Variants in ABCC4 observed in about 807,000 individuals in gnomAD.
ABCC4 encodes the protein ATP-binding cassette sub-family C member 4.
ABCC4 carries 102 observed loss-of-function variants against 168.5 expected under a neutral mutation model. The observed-to-expected ratio is 0.61, with a 90% CI of 0.52 to 0.71. ABCC4 has a LOEUF of 0.71. ABCC4 is among the 30% of genes least tolerant of loss of function. The pLI, the probability that ABCC4 is intolerant of heterozygous loss-of-function variation, is 0.00. For synonymous variants in ABCC4, 617 were observed against 590.7 expected (o/e 1.04, Z -0.65); for missense variants, 1,402 against 1,605.8 (o/e 0.87, Z 2.17).
intron 20 of ABCC4, among the ~76,000 whole-genome samples, chr13:95,102,731 C>T (rs997195694): frequency 6.6e-6 from 1 of 151,694 alleles, no homozygotes; most frequent in African/African-American, 2.4e-5. Context: ...GCAATTCTCC[C>T]TGCCTCAGCC....
intron 26 of ABCC4, 108 bp downstream of exon 26, chr13:95,062,596 A>C (rs937669703): frequency 1.8e-6 from 2 of 1,106,294 alleles, no homozygotes; most frequent in Non-Finnish European, 2.6e-6. Context: ...TATTGGGTGA[A>C]AAAAAAAACA....
At chr13:95,171,861 G>T (rs1292032630) in intron 13 of ABCC4, among the ~76,000 whole-genome samples, 3 of 152,098 alleles carry the variant, frequency 2.0e-5, no homozygotes. Flanking sequence ...TCAAAACTAA[G>T]TTGTTCAATC....
intron 20 of ABCC4, among the ~76,000 whole-genome samples, chr13:95,112,372 A>G (rs1222210894): frequency 2.0e-5 from 3 of 151,938 alleles, no homozygotes; most frequent in African/African-American, 7.3e-5. Flanking sequence ...AAAGAAAGTC[A>G]CATGGATAAA....
At chr13:95,117,142 C>A (rs1471457000) in intron 19 of ABCC4, among the ~76,000 whole-genome samples, 1 of 152,024 alleles carries the variant, frequency 6.6e-6, no homozygotes, top group African/African-American at 2.4e-5. Context: ...CACACAGACT[C>A]CAGAAAGCAT....
intron 22 of ABCC4, chr13:95,075,176 G>A: frequency 2.2e-6 from 1 of 451,972 alleles, no homozygotes; most frequent in Non-Finnish European, 4.0e-6. Flanking sequence ...TGCTGACAGA[G>A]CCACAGGCCA....
At chr13:95,025,054 T>A (rs1006913945) in intron 30 of ABCC4, among the ~76,000 whole-genome samples, 2 of 151,884 alleles carry the variant, frequency 1.3e-5, no homozygotes, top group Non-Finnish European at 2.9e-5. Flanking sequence ...ATTAGAAACA[T>A]CTTTGACTGA....
At chr13:95,082,245 T>C (rs753140446) in intron 21 of ABCC4, among the ~76,000 whole-genome samples, 1 of 152,166 alleles carries the variant, frequency 6.6e-6, no homozygotes, top group East Asian at 1.9e-4. Context: ...TATTAAAAAG[T>C]AAAGCAATTC....
Position 95,186,804 on chromosome 13 carries a change from T to A in ABCC4, c.1442A>T (p.Gln481Leu). The A allele has an allele frequency of 2.5e-6, 4 of 1,614,178 alleles. No individual in the cohort carries two copies. Among genetic ancestry groups the A allele is most frequent in the Middle Eastern group, 1.6e-4 (1 of 6,062 alleles). ...VHGRIAYVSQ[Q>L]PWVFSGTLRS... ...CAGAGTTCCCGAGAACACCCAGGGCTGCTGAGACACATAGGCAATTCTTCC... is the reference window on the plus strand; with the variant it reads ...CAGAGTTCCCGAGAACACCCAGGGCAGCTGAGACACATAGGCAATTCTTCC... The change falls in exon 11 of 31, where the codon CAG (glutamine) becomes CTG (leucine). Residue 481 changes from glutamine (Q) to leucine (L), a missense_variant. By Grantham distance (113) the Gln-to-Leu change is moderately radical. Around this residue, in one of 3 missense-constraint regions of ABCC4, gnomAD observed 1,007 missense variants for 1,127.3 expected, o/e 0.89. Transcript: ENST00000645237.
At chr13:95,294,878 C>G (rs1430761056) in intron 1 of ABCC4, among the ~76,000 whole-genome samples, 1 of 152,092 alleles carries the variant, frequency 6.6e-6, no homozygotes, top group African/African-American at 2.4e-5. Flanking sequence ...CGCTTGAACT[C>G]CGGAGGCAGA....
intron 30 of ABCC4, among the ~76,000 whole-genome samples, chr13:95,026,732 A>G (rs9524768): frequency 0.13 from 20,179 of 151,370 alleles, 1,411 homozygotes; most frequent in Admixed American, 0.18. Context: ...CTATGGGGGG[A>G]AAAAAAATTA....
intron 4 of ABCC4, among the ~76,000 whole-genome samples, chr13:95,223,164 T>C (rs7330519): frequency 0.31 from 46,400 of 151,834 alleles, 7,269 homozygotes; most frequent in East Asian, 0.44. Context: ...GGCCTATGAG[T>C]TCAGCCAGTT....
At chr13:95,030,147 A>T (rs1293672724) in intron 30 of ABCC4, among the ~76,000 whole-genome samples, 1 of 152,056 alleles carries the variant, frequency 6.6e-6, no homozygotes, top group Non-Finnish European at 1.5e-5. Context: ...CAGCCTCCCG[A>T]GTAGCTGAGA....
chr13:95,146,617 G>A lies in ABCC4; in HGVS notation c.2455+14572C>T, dbSNP rs140328431. On this transcript the variant is annotated intron_variant, in intron 19 of 30. Transcript: ENST00000645237. ...TCCCTGCGGTTGCCACATAAAAACC[G>A]ATAGGGACAATAACAAGAGTATTGG... Among the ~76,000 whole-genome samples, 1,180 of 152,254 alleles carry A rather than the reference G, an allele frequency of 7.8e-3. 7 individuals are homozygous for A. Among genetic ancestry groups the A allele is most frequent in the Non-Finnish European group, 0.013 (876 of 68,014 alleles).
At chr13:95,098,623 A>T (rs997244141) in intron 20 of ABCC4, among the ~76,000 whole-genome samples, 2 of 152,198 alleles carry the variant, frequency 1.3e-5, no homozygotes, top group African/African-American at 4.8e-5. Context: ...GCAAAACAGG[A>T]AATATTCACA....
At position 95,032,522 on chromosome 13, in the gene ABCC4, A is replaced by G. The variant is rs148124451; in HGVS notation, c.3870+2083T>C. ...GAGGATAAATGCAGGATTCAAAGAAATATCCTACAGACAGTGGCAAGGATA... is the reference window on the plus strand; with the variant it reads ...GAGGATAAATGCAGGATTCAAAGAAGTATCCTACAGACAGTGGCAAGGATA... On this transcript the variant is annotated intron_variant, in intron 30 of 30. Transcript: ENST00000645237. Among the ~76,000 whole-genome samples the G allele has an allele frequency of 3.0e-3, 462 of 152,382 alleles. 1 individual carries two copies. The highest frequency in any genetic ancestry group is 0.014 in the Middle Eastern group (4 of 294).
chr13:95,229,948 A>C (rs1188545498), intron 4 of ABCC4, among the ~76,000 whole-genome samples: 1 of 152,240 alleles, frequency 6.6e-6, no homozygotes, highest in Non-Finnish European at 1.5e-5. Flanking sequence ...TGAGACTTGA[A>C]GATGGACACA....
chr13:95,218,919 GAAAGAAAGAGAAAGAAAGAA>G (rs2039208299), intron 4 of ABCC4, among the ~76,000 whole-genome samples: 2 of 22,018 alleles, frequency 9.1e-5, no homozygotes, highest in African/African-American at 3.8e-4. Context: ...GAGAGAGAGA[GAAAGAAAGAGAAAGAAAGAA>G]AGAAAGAAAG....
At chr13:95,038,374 CAAAAAAAAA>C (rs74617293) in intron 29 of ABCC4, among the ~76,000 whole-genome samples, 1 of 97,646 alleles carries the variant, frequency 1.0e-5, no homozygotes, top group Non-Finnish European at 1.9e-5. Context: ...AGCCCATACT[CAAAAAAAAA>C]AAAAAAAAAA....
At chr13:95,253,807 A>T (rs1264843048) in intron 1 of ABCC4, among the ~76,000 whole-genome samples, 5 of 152,124 alleles carry the variant, frequency 3.3e-5, no homozygotes, top group Non-Finnish European at 5.9e-5. Flanking sequence ...CTTCAGAGAC[A>T]AGTCTCCATA....
Sources: allele counts gnomAD v4.1 joint callset (sites outside exome capture counted in the v4.1 genomes callset), GRCh38; gene constraint gnomAD v4.1.1; regional missense constraint gnomAD v4.1.1; transcripts MANE v1.5; gene names NCBI Gene and HGNC (gene_info 2026-07-23, HGNC 2026-07-21).